The following GABRB1 variants were observed in gnomAD, a reference collection of about 807,000 sequenced individuals.
GABRB1 encodes gamma-aminobutyric acid receptor subunit beta-1.
Under a neutral mutation model 51.6 loss-of-function variants are expected in GABRB1, and 17 were observed. That is an observed-to-expected ratio of 0.33 (90% CI 0.23 to 0.49). The LOEUF is 0.49. Among genes scored for constraint, GABRB1 ranks in the 20% least tolerant of loss-of-function variants. The pLI, the probability that GABRB1 is intolerant of heterozygous loss-of-function variation, is 0.99. For missense variants in GABRB1, 410 were observed against 600.6 expected (o/e 0.68, Z 3.32); for synonymous variants, 247 against 218.9 (o/e 1.13, Z -1.14).
In GABRB1 at chr4:47,328,254, C is replaced by T. The variant is rs554169143; in HGVS notation, c.544+8045C>T. Among the ~76,000 whole-genome samples, 401 of 152,150 alleles carry T rather than the reference C, an allele frequency of 2.6e-3. 2 individuals are homozygous for T. Among genetic ancestry groups the T allele is most frequent in the Middle Eastern group, 6.8e-3 (2 of 294 alleles). Reference sequence around the variant, plus strand: ...TAGATTTCAAAAATTTTCTCCCATTCTGTAGGTTGCCTGTTCACTCTGATG... The same window carrying T: ...TAGATTTCAAAAATTTTCTCCCATTTTGTAGGTTGCCTGTTCACTCTGATG... On this transcript the variant is annotated intron_variant, in intron 5 of 8. Coordinates refer to ENST00000295454, the MANE Select transcript of GABRB1 (RefSeq NM_000812.4).
chr4:47,355,199 C>A (rs562139016), intron 5 of GABRB1, among the ~76,000 whole-genome samples: 133 of 152,076 alleles, frequency 8.7e-4, no homozygotes, highest in African/African-American at 3.0e-3. Flanking sequence ...CCAGGCTGGT[C>A]TCAAACTTAT....
chr4:47,314,973 T>A (rs896962644), intron 4 of GABRB1, among the ~76,000 whole-genome samples: 10 of 151,976 alleles, frequency 6.6e-5, no homozygotes, highest in African/African-American at 2.4e-4. Flanking sequence ...TGGCAAAGAT[T>A]TCGTGATGAA....
At chr4:47,084,084 G>A (rs1328596477) in intron 3 of GABRB1, among the ~76,000 whole-genome samples, 1 of 152,176 alleles carries the variant, frequency 6.6e-6, no homozygotes, top group East Asian at 1.9e-4. Context: ...GGAGTTATTA[G>A]AGTAAGTCAT....
chr4:47,070,892 A>G (rs1727307839), intron 3 of GABRB1, among the ~76,000 whole-genome samples: 1 of 152,194 alleles, frequency 6.6e-6, no homozygotes, highest in African/African-American at 2.4e-5. Flanking sequence ...GATCTCCAGC[A>G]TGAATTCCAG....
rs1055347414 is a variant in GABRB1 at position 47,403,574 on chromosome 4, T to G, written c.698T>G (p.Leu233Arg). The change falls in exon 7 of 9, where the codon CTG (leucine) becomes CGG (arginine). Residue 233 changes from leucine to arginine, a missense_variant. By Grantham distance (102) the Leu-to-Arg change is moderately radical. Coordinates refer to ENST00000295454, the MANE Select transcript of GABRB1 (RefSeq NM_000812.4). ...CTCAACTCAGGAGCGTATCCACGAC[T>G]GTCACTAAGTTTTCGTCTAAAGAGA... ...VEFTTGAYPR[L>R]SLSFRLKRNI... The G allele has an allele frequency of 1.2e-6, 2 of 1,613,968 alleles. No homozygotes were observed. Among genetic ancestry groups the G allele is most frequent in the Admixed American group, 3.3e-5 (2 of 60,018 alleles).
chr4:47,009,139 C>G (rs924758199), intron 1 of GABRB1, among the ~76,000 whole-genome samples: 1 of 150,352 alleles, frequency 6.7e-6, no homozygotes, highest in African/African-American at 2.4e-5. Context: ...GCTGGGATTA[C>G]AGGCATGAGC....
intron 3 of GABRB1, among the ~76,000 whole-genome samples, chr4:47,132,156 C>T (rs938175446): frequency 2.6e-5 from 4 of 152,062 alleles, no homozygotes; most frequent in Admixed American, 6.5e-5. Flanking sequence ...CACTAGAAAG[C>T]GTCATTCAGA....
At chr4:47,318,836 A>G (rs1724973053) in intron 4 of GABRB1, among the ~76,000 whole-genome samples, 1 of 152,168 alleles carries the variant, frequency 6.6e-6, no homozygotes, top group Non-Finnish European at 1.5e-5. Context: ...GGTCCTCCCC[A>G]TAAAGTGTAA....
chr4:47,213,834 G>A (rs1012838698), intron 4 of GABRB1, among the ~76,000 whole-genome samples: 2 of 144,352 alleles, frequency 1.4e-5, no homozygotes, highest in Admixed American at 6.9e-5. Context: ...TTCTGAAACA[G>A]TTTTTTTTTT....
intron 4 of GABRB1, among the ~76,000 whole-genome samples, chr4:47,210,513 C>A (rs1271996642): frequency 1.3e-5 from 2 of 152,080 alleles, no homozygotes; most frequent in African/African-American, 4.8e-5. Flanking sequence ...TACATCGTGG[C>A]ATTTCCCCTG....
At chr4:47,001,236 G>C (rs919331072) in intron 1 of GABRB1, among the ~76,000 whole-genome samples, 1 of 152,162 alleles carries the variant, frequency 6.6e-6, no homozygotes, top group Non-Finnish European at 1.5e-5. Context: ...TCCGCCTCCC[G>C]GGTTCACGCC....
At chr4:47,373,118 C>T (rs779519264) in intron 5 of GABRB1, among the ~76,000 whole-genome samples, 18 of 152,174 alleles carry the variant, frequency 1.2e-4, no homozygotes, top group Non-Finnish European at 1.3e-4. Flanking sequence ...TGCAGCTGTT[C>T]CCAGTGAAGT....
intron 3 of GABRB1, among the ~76,000 whole-genome samples, chr4:47,113,316 G>T (rs1715315913): frequency 6.6e-6 from 1 of 151,372 alleles, no homozygotes; most frequent in African/African-American, 2.4e-5. Flanking sequence ...AACCTGGGAG[G>T]CGGAGGTTGC....
At chr4:47,269,839 A>C (rs1722787202) in intron 4 of GABRB1, among the ~76,000 whole-genome samples, 1 of 151,958 alleles carries the variant, frequency 6.6e-6, no homozygotes, top group African/African-American at 2.4e-5. Context: ...CATAGCTAGA[A>C]GAGCCCACAT....
rs1054973448 is a variant in GABRB1, at chr4:47,002,298, T to C, written c.-20+8372T>C. Among the ~76,000 whole-genome samples, 7 of 152,356 alleles carry C rather than the reference T, an allele frequency of 4.6e-5. No homozygotes were observed. In the East Asian group the frequency reaches 1.3e-3, roughly 29 times the overall value. ...GTAAAAAAGTAGTGAGTGAGCATAT[T>C]TGGCAAGTTAATAAGCCAAAGAAAC... On this transcript the variant is annotated intron_variant, in intron 1 of 3. Transcript: ENST00000513567.
intron 3 of GABRB1, among the ~76,000 whole-genome samples, chr4:47,125,520 A>G (rs1373886303): frequency 4.0e-5 from 6 of 150,500 alleles, no homozygotes; most frequent in African/African-American, 9.7e-5. Context: ...AGATAGCTAT[A>G]GATACATAGG....
At chr4:47,032,761 A>G (rs1202561222) in intron 3 of GABRB1, 2 of 659,002 alleles carry the variant, frequency 3.0e-6, no homozygotes, top group Admixed American at 2.1e-5. Flanking sequence ...GCGGAGTCTG[A>G]GCGTTACTTT....
At chr4:47,066,652 T>C (rs1272360737) in intron 3 of GABRB1, among the ~76,000 whole-genome samples, 1 of 152,050 alleles carries the variant, frequency 6.6e-6, no homozygotes, top group Non-Finnish European at 1.5e-5. Flanking sequence ...AGTTTTATCA[T>C]GAGATTGCAA....
intron 5 of GABRB1, among the ~76,000 whole-genome samples, chr4:47,382,548 A>G (rs553337856): frequency 1.3e-5 from 2 of 152,308 alleles, no homozygotes; most frequent in South Asian, 2.1e-4. Context: ...GTCAGGTAGC[A>G]CAGATTATTG....
Sources: gnomAD v4.1 joint callset for allele counts (sites outside exome capture counted in the v4.1 genomes callset) on GRCh38, gnomAD v4.1.1 for gene constraint, MANE v1.5 for transcripts, NCBI Gene and HGNC (gene_info 2026-07-23, HGNC 2026-07-21) for gene names.